The following GYG2 variants were observed in gnomAD, a reference collection of about 807,000 sequenced individuals.
GYG2 encodes glycogenin-2.
In GYG2, 29 loss-of-function variants were observed where a neutral mutation model predicts 29.4. That is an observed-to-expected ratio of 0.99 (90% confidence interval 0.74 to 1.35). The LOEUF is 1.35. GYG2 is among the 40% of genes most tolerant of loss of function. The probability of loss-of-function intolerance (pLI) is 0.00; values close to 1 mark genes in which losing one functional copy is unlikely to be tolerated. For synonymous variants in GYG2, 167 were observed against 172.3 expected (o/e 0.97, Z 0.24); for missense variants, 370 against 385.7 (o/e 0.96, Z 0.34).
At chrX:2,858,436 A>G (rs1177463383) in intron 6 of GYG2, among the ~76,000 whole-genome samples, 1 of 111,557 alleles carries the variant, frequency 9.0e-6, no homozygotes, top group Non-Finnish European at 1.9e-5. Flanking sequence ...ACTGCACTCC[A>G]GCCTGGGTAA....
chrX:2,841,014 TA>T (rs2147143475), intron 2 of GYG2, among the ~76,000 whole-genome samples: 2 of 107,472 alleles, frequency 1.9e-5, no homozygotes, highest in East Asian at 5.9e-4. Flanking sequence ...TATAGATAGA[TA>T]GATAGAAGGA....
intron 3 of GYG2, among the ~76,000 whole-genome samples, chrX:2,845,832 C>T (rs2087704948): frequency 1.0e-5 from 1 of 100,033 alleles, no homozygotes; most frequent in Non-Finnish European, 2.0e-5. Context: ...TATGTATATA[C>T]ATATAAAATA....
chrX:2,848,547 G>GAA (rs10689220), intron 3 of GYG2, among the ~76,000 whole-genome samples: 14,201 of 99,090 alleles, frequency 0.14, 899 homozygotes, highest in East Asian at 0.23. Flanking sequence ...AAAAAGAAGG[G>GAA]AAAAAAAAAA....
Position 2,855,113 on chromosome X carries a change from A to C in GYG2, c.445A>C (p.Lys149Gln). 3 of 1,211,426 alleles carry C rather than the reference A, an allele frequency of 2.5e-6. No individual in the cohort carries two copies. Among genetic ancestry groups the C allele is most frequent in the Non-Finnish European group, 3.4e-6 (3 of 895,237 alleles). ...CTTCCAGCCTTCTCTCCACACGCAT[A>C]AACTCCTGCTACAGCACGCCATGGA... ...FVFQPSLHTH[K>Q]LLLQHAMEHG... The change falls in exon 5 of 11, where the codon AAA (lysine) becomes CAA (glutamine). Residue 149 changes from lysine to glutamine, a missense_variant. Physicochemically the swap from Lys to Gln is moderately conservative, Grantham distance 53 (BLOSUM62 1). Transcript: ENST00000398806.
intron 5 of GYG2, 49 bp downstream of exon 5, chrX:2,855,204 A>C (rs1389672274): frequency 4.6e-6 from 5 of 1,076,543 alleles, no homozygotes; most frequent in Non-Finnish European, 6.4e-6. Flanking sequence ...CACACACTCA[A>C]CTCTGCAGAT....
intron 8 of GYG2, among the ~76,000 whole-genome samples, chrX:2,873,543 C>A (rs1339734132): frequency 9.1e-6 from 1 of 110,169 alleles, no homozygotes; most frequent in Admixed American, 9.8e-5. Flanking sequence ...CCTCCTCTTT[C>A]TCCTCCTCCT....
chrX:2,837,425 C>G (rs1167260361), intron 2 of GYG2, among the ~76,000 whole-genome samples: 1 of 111,183 alleles, frequency 9.0e-6, no homozygotes, highest in Non-Finnish European at 1.9e-5. Flanking sequence ...AATCCCAAAG[C>G]ATGGCCTTTG....
intron 5 of GYG2, 64 bp downstream of exon 5, chrX:2,855,219 C>T (rs1245090320): frequency 9.9e-7 from 1 of 1,005,067 alleles, no homozygotes; most frequent in Non-Finnish European, 1.4e-6. Context: ...GCAGATGTAA[C>T]ACGAAGTCAG....
At chrX:2,847,635 G>A (rs996803553) in intron 3 of GYG2, among the ~76,000 whole-genome samples, 73 of 108,047 alleles carry the variant, frequency 6.8e-4, no homozygotes, top group African/African-American at 2.4e-3. Flanking sequence ...AGCTCGGGAG[G>A]TTAAGGTTGC....
intron 8 of GYG2, among the ~76,000 whole-genome samples, chrX:2,862,530 C>T (rs1442379166): frequency 2.7e-5 from 3 of 111,425 alleles, no homozygotes; most frequent in Non-Finnish European, 5.7e-5. Flanking sequence ...TGAGAGGTTT[C>T]AGCCGAACCC....
chrX:2,853,679 C>T (rs1261000515), intron 3 of GYG2: 6 of 218,924 alleles, frequency 2.7e-5, no homozygotes. Flanking sequence ...CTAAAGCTTC[C>T]GTCATTTAGC....
At chrX:2,865,375 G>A (rs2088272518) in intron 8 of GYG2, among the ~76,000 whole-genome samples, 1 of 111,608 alleles carries the variant, frequency 9.0e-6, no homozygotes, top group Admixed American at 9.6e-5. Flanking sequence ...AACAGCGCCC[G>A]TCATGTTCAA....
intron 3 of GYG2, among the ~76,000 whole-genome samples, chrX:2,850,513 A>G (rs2087844516): frequency 9.0e-6 from 1 of 111,720 alleles, no homozygotes; most frequent in African/African-American, 3.3e-5. Flanking sequence ...TGGGTGGGAA[A>G]GAATTACACT....
rs1327153974 is a variant in GYG2, at chrX:2,875,874, C to G, written c.1103C>G (p.Ser368Cys). 35 of 1,187,744 alleles carry G rather than the reference C, an allele frequency of 2.9e-5. No individual in the cohort carries two copies. Among genetic ancestry groups the G allele is most frequent in the Middle Eastern group, 4.6e-4 (2 of 4,303 alleles). The change falls in exon 9 of 11, where the codon TCC (serine) becomes TGC (cysteine). Residue 368 changes from serine (S) to cysteine (C), a missense_variant. Coordinates refer to ENST00000398806, the MANE Select transcript of GYG2 (RefSeq NM_001079855.2). ...VITCDPLSQP[S>C]PQPADFTETE... is the part of the protein sequence containing the mutation. ...ACGTGTGACCCACTGTCCCAGCCTT[C>G]CCCTCAGCCTGCAGACTTCACAGAG...
intron 3 of GYG2, among the ~76,000 whole-genome samples, chrX:2,846,024 CAT>C (rs1235156938): frequency 1.6e-5 from 1 of 63,399 alleles, no homozygotes; most frequent in Non-Finnish European, 3.1e-5. Context: ...TACACACACA[CAT>C]ATATATACAC....
At chrX:2,845,962 C>G (rs1397231410) in intron 3 of GYG2, among the ~76,000 whole-genome samples, 1 of 86,284 alleles carries the variant, frequency 1.2e-5, no homozygotes, top group Non-Finnish European at 2.2e-5. Context: ...AATTTCTTCA[C>G]TGATTTAAAT....
intron 3 of GYG2, among the ~76,000 whole-genome samples, chrX:2,851,664 T>G (rs2087875795): frequency 8.9e-6 from 1 of 112,321 alleles, no homozygotes; most frequent in South Asian, 3.7e-4. Flanking sequence ...GCATGATGTC[T>G]GTATGTCCTG....
rs1345046951 is a variant in GYG2, at chrX:2,859,869, A to G, written c.641A>G (p.His214Arg). Reference protein sequence around the residue: ...KQFGSSAKVVHFLGSMKPWNY... With the variant: ...KQFGSSAKVVRFLGSMKPWNY... ...TTCGGTTCCAGTGCAAAGGTCGTCC[A>G]CTTTTTGGGGTCCATGAAACCTTGG... is the stretch of plus-strand genomic sequence containing the variant. Residue 214 changes from histidine (H) to arginine (R), a missense_variant, in exon 7 of 11, where the codon CAC becomes CGC. His to Arg is a conservative substitution (Grantham distance 29, BLOSUM62 0). Transcript: ENST00000398806. 1 of 1,203,153 alleles carries G rather than the reference A, an allele frequency of 8.3e-7. No individual in the cohort carries two copies.
intron 2 of GYG2, among the ~76,000 whole-genome samples, chrX:2,840,199 A>G (rs778227064): frequency 4.5e-5 from 5 of 111,778 alleles, no homozygotes; most frequent in African/African-American, 1.6e-4. Flanking sequence ...TTCTGCTTCC[A>G]CACTCTTTCA....
Sources: gnomAD v4.1 joint callset for allele counts (sites outside exome capture counted in the v4.1 genomes callset) on GRCh38, gnomAD v4.1.1 for gene constraint, MANE v1.5 for transcripts, NCBI Gene and HGNC (gene_info 2026-07-23, HGNC 2026-07-21) for gene names.